Variants in SYN2 observed in about 807,000 individuals in gnomAD.
The protein encoded by SYN2 is synapsin-2.
A neutral mutation model predicts 50.9 loss-of-function variants in SYN2; 19 were observed. The observed-to-expected ratio is 0.37, with a 90% confidence interval of 0.26 to 0.55. SYN2 has a LOEUF of 0.55. SYN2 is among the 20% of genes least tolerant of loss of function. SYN2 has a pLI of 0.81. For missense variants in SYN2, 587 were observed against 576.4 expected, an observed-to-expected ratio of 1.02 and a Z score of -0.19; for synonymous variants, 255 against 224.9, an observed-to-expected ratio of 1.13 and a Z score of -1.20.
At chr3:12,126,232 C>G (rs191546839) in intron 1 of SYN2, among the ~76,000 whole-genome samples, 1 of 152,326 alleles carries the variant, frequency 6.6e-6, no homozygotes, top group South Asian at 2.1e-4. Flanking sequence ...CTTCATAGAT[C>G]GGCAGAAGTC....
At chr3:12,008,212 T>C (rs918637762) in intron 1 of SYN2, among the ~76,000 whole-genome samples, 1 of 152,176 alleles carries the variant, frequency 6.6e-6, no homozygotes, top group Admixed American at 6.5e-5. Context: ...ACCCCAGTGA[T>C]CAAGTGAGCT....
At chr3:12,081,571 C>T (rs980263597) in intron 1 of SYN2, among the ~76,000 whole-genome samples, 6 of 152,062 alleles carry the variant, frequency 3.9e-5, no homozygotes, top group African/African-American at 1.4e-4. Flanking sequence ...GTAATAGACC[C>T]AAATAATATG....
chr3:12,080,399 T>A (rs1225621377), intron 1 of SYN2, among the ~76,000 whole-genome samples: 3 of 152,142 alleles, frequency 2.0e-5, no homozygotes, highest in Non-Finnish European at 4.4e-5. Flanking sequence ...GATGTTAGGT[T>A]GTCGATTTGA....
chr3:12,185,501 C>T, intron 11 of SYN2: 1 of 985,860 alleles, frequency 1.0e-6, no homozygotes, highest in Non-Finnish European at 1.2e-6. Flanking sequence ...GTTATGTGCC[C>T]TCAGGCAGCA....
At chr3:12,086,579 T>G (rs1574932304) in intron 1 of SYN2, among the ~76,000 whole-genome samples, 1 of 152,158 alleles carries the variant, frequency 6.6e-6, no homozygotes, top group East Asian at 1.9e-4. Flanking sequence ...GATCAATAAA[T>G]GTGATACAGC....
At chr3:12,175,562 C>T (rs1313432016) in intron 10 of SYN2, among the ~76,000 whole-genome samples, 3 of 152,228 alleles carry the variant, frequency 2.0e-5, no homozygotes, top group Non-Finnish European at 4.4e-5. Flanking sequence ...GCCCAGAATT[C>T]TAGACCAAGA....
intron 10 of SYN2, among the ~76,000 whole-genome samples, chr3:12,181,955 G>A (rs777175634): frequency 3.3e-5 from 5 of 152,144 alleles, no homozygotes; most frequent in Admixed American, 1.3e-4. Flanking sequence ...AGGAAGTAGT[G>A]TTCTCACTGT....
At chr3:12,086,608 A>G (rs931053948) in intron 1 of SYN2, among the ~76,000 whole-genome samples, 7 of 152,220 alleles carry the variant, frequency 4.6e-5, no homozygotes, top group Non-Finnish European at 1.0e-4. Context: ...AAAATGAGGG[A>G]CAAAACCCAC....
At chr3:12,089,874 A>G (rs1288586810) in intron 1 of SYN2, among the ~76,000 whole-genome samples, 2 of 152,184 alleles carry the variant, frequency 1.3e-5, no homozygotes, top group Non-Finnish European at 2.9e-5. Context: ...GCTGGATTCA[A>G]GACTATTGAG....
At chr3:12,034,625 A>G (rs1006960992) in intron 1 of SYN2, among the ~76,000 whole-genome samples, 16 of 152,186 alleles carry the variant, frequency 1.1e-4, no homozygotes, top group African/African-American at 3.9e-4. Flanking sequence ...ATGGCATTAC[A>G]TTGCACAAGA....
intron 1 of SYN2, among the ~76,000 whole-genome samples, chr3:12,135,135 C>T (rs1045384466): frequency 6.6e-6 from 1 of 152,106 alleles, no homozygotes; most frequent in African/African-American, 2.4e-5. Flanking sequence ...GGAGGGATAC[C>T]CCTGTGCCAG....
chr3:12,079,743 G>C (rs1307215215), intron 1 of SYN2, among the ~76,000 whole-genome samples: 4 of 152,054 alleles, frequency 2.6e-5, no homozygotes, highest in Admixed American at 1.3e-4. Context: ...ATGTTTATCA[G>C]GGATATTGGC....
intron 4 of SYN2, among the ~76,000 whole-genome samples, chr3:12,147,233 C>A (rs992729504): frequency 6.6e-6 from 1 of 151,966 alleles, no homozygotes; most frequent in African/African-American, 2.4e-5. Context: ...GTGTGTTAAC[C>A]AAACAGATCT....
chr3:12,025,473 A>C (rs972560065), intron 1 of SYN2, among the ~76,000 whole-genome samples: 2 of 152,190 alleles, frequency 1.3e-5, no homozygotes, highest in African/African-American at 4.8e-5. Flanking sequence ...TCATTTAATC[A>C]AGGTAATCTC....
At chr3:12,050,819 T>C (rs1394861278) in intron 1 of SYN2, among the ~76,000 whole-genome samples, 3 of 135,976 alleles carry the variant, frequency 2.2e-5, no homozygotes, top group Admixed American at 8.4e-5. Context: ...CACTGCAAGC[T>C]CCGCTTCCCG....
rs1451750430 is a variant in SYN2 at position 12,141,949 on chromosome 3, C to T, written c.480C>T (p.Thr160=). ...ELNLVAHADG[T]YAVDMQVLRN... ...ACCTGGTGGCCCATGCAGATGGCAC[C>T]TATGCTGTGGATATGCAGGTTCTCC... The change falls in exon 3 of 13, where the codon ACC becomes ACT. Residue 160 remains threonine (T), a synonymous_variant. Transcript: ENST00000621198. 2 of 780,802 alleles carry T rather than the reference C, an allele frequency of 2.6e-6. No homozygotes were observed. Among genetic ancestry groups the T allele is most frequent in the Non-Finnish European group, 4.8e-6 (2 of 417,952 alleles). The allele number at this position is 780,802 out of a possible 1,614,324, so 48.4% of individuals were successfully genotyped here.
intron 1 of SYN2, among the ~76,000 whole-genome samples, chr3:12,037,953 T>C (rs1024426804): frequency 6.6e-6 from 1 of 152,226 alleles, no homozygotes; most frequent in African/African-American, 2.4e-5. Flanking sequence ...CTTGTGTTTT[T>C]TGTGTATATC....
At chr3:12,157,569 G>A in intron 5 of SYN2, 1 of 1,323,716 alleles carries the variant, frequency 7.6e-7, no homozygotes, top group Non-Finnish European at 1.1e-6. Flanking sequence ...CCATGAAGAA[G>A]TCTATAGGGC....
At chr3:12,188,822 G>A (rs983260047) in intron 12 of SYN2, among the ~76,000 whole-genome samples, 5 of 152,058 alleles carry the variant, frequency 3.3e-5, no homozygotes, top group Non-Finnish European at 5.9e-5. Context: ...GCTGTTTCCT[G>A]CCTGCTGACT....
Sources: allele counts gnomAD v4.1 joint callset (sites outside exome capture counted in the v4.1 genomes callset), GRCh38; gene constraint gnomAD v4.1.1; transcripts MANE v1.5; gene names NCBI Gene and HGNC (gene_info 2026-07-23, HGNC 2026-07-21).